Variants in C1orf21 observed in about 807,000 individuals in gnomAD.
C1orf21 encodes uncharacterized protein C1orf21.
C1orf21 carries 3 observed loss-of-function variants against 18.7 expected under a neutral mutation model. The ratio of observed to expected loss-of-function variants is 0.16; its 90% confidence interval spans 0.07 to 0.42. The LOEUF is 0.42. Ranked by LOEUF, C1orf21 falls within the 10% of genes least tolerant of loss-of-function variation. C1orf21 has a pLI of 0.99. For missense variants in C1orf21, 104 were observed against 143.6 expected (o/e 0.72, Z 1.41); for synonymous variants, 41 against 46.4 (o/e 0.88, Z 0.47).
chr1:184,564,691 G>A (rs1398809804), intron 3 of C1orf21, among the ~76,000 whole-genome samples: 5 of 152,196 alleles, frequency 3.3e-5, no homozygotes, highest in Non-Finnish European at 7.3e-5. Context: ...AGAGTGAAGA[G>A]TTGCATTTCT....
At chr1:184,433,333 C>T (rs1656799448) in intron 1 of C1orf21, among the ~76,000 whole-genome samples, 1 of 152,124 alleles carries the variant, frequency 6.6e-6, no homozygotes. Context: ...AGTCTTTCTT[C>T]CCGAATCTTC....
At chr1:184,546,852 A>G (rs1033242386) in intron 3 of C1orf21, among the ~76,000 whole-genome samples, 5 of 152,220 alleles carry the variant, frequency 3.3e-5, no homozygotes, top group African/African-American at 1.2e-4. Context: ...AAAGCCCAGC[A>G]CTAAGGTGCA....
intron 3 of C1orf21, among the ~76,000 whole-genome samples, chr1:184,551,798 G>C (rs1658816846): frequency 6.6e-6 from 1 of 152,130 alleles, no homozygotes. Flanking sequence ...CTCGAGGCTA[G>C]GAGTTTGAGA....
chr1:184,557,815 A>G (rs1658899609), intron 3 of C1orf21, among the ~76,000 whole-genome samples: 1 of 152,138 alleles, frequency 6.6e-6, no homozygotes, highest in Admixed American at 6.5e-5. Flanking sequence ...ATTTTGTTTT[A>G]ACATAAAATA....
At chr1:184,402,233 C>G (rs1656168812) in intron 1 of C1orf21, among the ~76,000 whole-genome samples, 1 of 152,184 alleles carries the variant, frequency 6.6e-6, no homozygotes, top group Non-Finnish European at 1.5e-5. Flanking sequence ...GTTGTAGAGA[C>G]AGTCATCTGT....
intron 2 of C1orf21, among the ~76,000 whole-genome samples, chr1:184,503,637 C>T (rs965397298): frequency 5.3e-5 from 8 of 152,112 alleles, no homozygotes; most frequent in Non-Finnish European, 7.3e-5. Context: ...AAGTGATTGA[C>T]GCCTTCACTC....
chr1:184,486,901 T>G (rs1041793269), intron 2 of C1orf21, among the ~76,000 whole-genome samples: 4 of 152,196 alleles, frequency 2.6e-5, no homozygotes, highest in African/African-American at 4.8e-5. Flanking sequence ...CAAGTCCCTT[T>G]GGTTTTCTTC....
chr1:184,543,670 G>A (rs1658690283), intron 3 of C1orf21, among the ~76,000 whole-genome samples: 1 of 152,084 alleles, frequency 6.6e-6, no homozygotes, highest in African/African-American at 2.4e-5. Context: ...AGGTATATTT[G>A]ATAATTTAAT....
At chr1:184,404,199 C>T (rs1656207514) in intron 1 of C1orf21, among the ~76,000 whole-genome samples, 2 of 152,184 alleles carry the variant, frequency 1.3e-5, no homozygotes, top group Non-Finnish European at 2.9e-5. Flanking sequence ...GCAGGTTTAT[C>T]TGTCCCCAAA....
intron 3 of C1orf21, among the ~76,000 whole-genome samples, chr1:184,523,933 A>G (rs1246913407): frequency 2.0e-5 from 3 of 152,252 alleles, no homozygotes; most frequent in Admixed American, 2.0e-4. Context: ...ATGTACTCCA[A>G]ATGAGCCTCC....
chr1:184,599,624 A>T (rs1370203661), intron 5 of C1orf21: 1 of 152,178 alleles, frequency 6.6e-6, no homozygotes, highest in Non-Finnish European at 1.5e-5. Flanking sequence ...TTTTATTTTC[A>T]GTGGAATTGT....
chr1:184,613,539 G>T (rs1659772159), intron 5 of C1orf21, among the ~76,000 whole-genome samples: 1 of 152,150 alleles, frequency 6.6e-6, no homozygotes, highest in Non-Finnish European at 1.5e-5. Context: ...CAGTTGTGTT[G>T]TTTAAAAAGG....
chr1:184,462,770 C>T (rs1657327411), intron 1 of C1orf21, among the ~76,000 whole-genome samples: 1 of 152,096 alleles, frequency 6.6e-6, no homozygotes, highest in African/African-American at 2.4e-5. Flanking sequence ...CCCTTCCTCT[C>T]CATCCAACAT....
At chr1:184,493,275 C>A (rs891529867) in intron 2 of C1orf21, among the ~76,000 whole-genome samples, 5 of 152,150 alleles carry the variant, frequency 3.3e-5, no homozygotes, top group African/African-American at 9.7e-5. Context: ...AGTCAGCTTT[C>A]TTCATAGTAA....
At chr1:184,506,829 C>T (rs1658069653) in intron 2 of C1orf21, among the ~76,000 whole-genome samples, 1 of 152,150 alleles carries the variant, frequency 6.6e-6, no homozygotes, top group Non-Finnish European at 1.5e-5. Context: ...TCTGTGTTCT[C>T]TGTCTGGCTG....
intron 1 of C1orf21, among the ~76,000 whole-genome samples, chr1:184,400,193 T>C (rs1007382685): frequency 4.6e-5 from 7 of 152,214 alleles, no homozygotes; most frequent in African/African-American, 1.7e-4. Flanking sequence ...ATTTTTACTT[T>C]CTTGTTTAAT....
At chr1:184,546,959 A>G (rs905956096) in intron 3 of C1orf21, among the ~76,000 whole-genome samples, 6 of 152,208 alleles carry the variant, frequency 3.9e-5, no homozygotes, top group Non-Finnish European at 8.8e-5. Context: ...GGCCTTGGAA[A>G]TCTGGCTGAT....
At chr1:184,454,080 G>A (rs1256969346) in intron 1 of C1orf21, among the ~76,000 whole-genome samples, 1 of 152,168 alleles carries the variant, frequency 6.6e-6, no homozygotes, top group African/African-American at 2.4e-5. Context: ...CAAATACTTA[G>A]AGTCAATGGA....
intron 3 of C1orf21, among the ~76,000 whole-genome samples, chr1:184,547,420 C>CTTTTTT (rs34169321): frequency 5.1e-4 from 52 of 102,930 alleles, no homozygotes; most frequent in African/African-American, 1.3e-3. Context: ...TACATCCAGA[C>CTTTTTT]TTTTTTTTTT....
Sources: gnomAD v4.1 joint callset for allele counts (sites outside exome capture counted in the v4.1 genomes callset) on GRCh38, gnomAD v4.1.1 for gene constraint, MANE v1.5 for transcripts, NCBI Gene and HGNC (gene_info 2026-07-23, HGNC 2026-07-21) for gene names.